EPB41L4B: variants seen among roughly 807,000 people sequenced by gnomAD.
EPB41L4B encodes the protein band 4.1-like protein 4B.
Under a neutral mutation model 112.5 loss-of-function variants are expected in EPB41L4B, and 30 were observed. The observed-to-expected ratio is 0.27, with a 90% CI of 0.20 to 0.36. The LOEUF (loss-of-function observed/expected upper bound fraction) is 0.36, where lower values mean the gene tolerates loss of function less well. Among genes scored for constraint, EPB41L4B ranks in the 10% least tolerant of loss-of-function variants. The pLI, the probability that EPB41L4B is intolerant of heterozygous loss-of-function variation, is 1.00. For synonymous variants in EPB41L4B, 408 were observed against 439.7 expected (o/e 0.93, Z 0.90); for missense variants, 1,024 against 1,133.3 (o/e 0.90, Z 1.38).
In EPB41L4B at chr9:109,314,755, C is replaced by A. The variant is rs572240896; in HGVS notation, c.306+5386G>T. 1.4e-3 allele frequency among the ~76,000 whole-genome samples: 215 copies of A among 152,200 alleles called. 1 individual carries two copies. Among genetic ancestry groups the A allele is most frequent in the African/African-American group, 5.0e-3 (209 of 41,510 alleles). ...GGTCTGAGAGGGGATGTGGGTGGGGCAAGTAGTGGAAGGCCACCTTTAGCC... is the reference window on the plus strand; with the variant it reads ...GGTCTGAGAGGGGATGTGGGTGGGGAAAGTAGTGGAAGGCCACCTTTAGCC... On this transcript the variant is annotated intron_variant, in intron 1 of 25. Transcript: ENST00000374566.
intron 20 of EPB41L4B, among the ~76,000 whole-genome samples, chr9:109,197,477 C>A (rs1394543683): frequency 6.6e-6 from 1 of 151,786 alleles, no homozygotes; most frequent in Non-Finnish European, 1.5e-5. Context: ...CGGTAGCCAG[C>A]GTCAAGGATT....
At chr9:109,228,585 G>T (rs1486775904) in intron 15 of EPB41L4B, among the ~76,000 whole-genome samples, 1 of 152,102 alleles carries the variant, frequency 6.6e-6, no homozygotes, top group Non-Finnish European at 1.5e-5. Context: ...TCTTCTGTTT[G>T]TTCTCTTCAC....
intron 13 of EPB41L4B, 58 bp from the exon 14 acceptor site, chr9:109,247,847 C>A: frequency 7.9e-7 from 1 of 1,265,132 alleles, no homozygotes; most frequent in Non-Finnish European, 1.1e-6. Context: ...TGTAGAGTGG[C>A]ATTATTAATG....
chr9:109,251,900 C>T (rs1008077700), intron 12 of EPB41L4B, among the ~76,000 whole-genome samples: 4 of 152,152 alleles, frequency 2.6e-5, no homozygotes, highest in African/African-American at 7.2e-5. Context: ...GCCTCGGGGA[C>T]GCCGTGAGGG....
In EPB41L4B at chr9:109,241,514, C is replaced by T. The variant is rs1028941397; in HGVS notation, c.1409+2104G>A. The T allele has an allele frequency of 2.5e-5, 36 of 1,458,746 alleles. No individual in the cohort carries two copies. The Middle Eastern group carries it at 7.4e-4, about 30-fold the overall frequency. The allele number at this position is 1,458,746 out of a possible 1,614,324, so 90.4% of individuals were successfully genotyped here. A position where few individuals can be genotyped will look rare whatever the true frequency, so the allele number is the denominator to read the frequency against. On this transcript the variant is annotated intron_variant, in intron 15 of 25. Transcript: ENST00000374566. ...TGACAAGCTATAGTGGTTTTATCTT[C>T]AAATATTTACATGGACACCAAAAAC...
intron 4 of EPB41L4B, 48 bp from the exon 5 acceptor site, chr9:109,265,072 G>A (rs778374333): frequency 4.6e-6 from 7 of 1,531,714 alleles, no homozygotes; most frequent in Non-Finnish European, 6.2e-6. Flanking sequence ...TTTCCCAGCT[G>A]CTCCCAATCC....
intron 6 of EPB41L4B, among the ~76,000 whole-genome samples, chr9:109,262,319 G>T (rs540407854): frequency 4.5e-4 from 69 of 152,184 alleles, no homozygotes; most frequent in African/African-American, 1.6e-3. Flanking sequence ...CTCCACCAGA[G>T]TCCACCTCTT....
At chr9:109,306,607 AAAAC>A (rs139011604) in intron 1 of EPB41L4B, among the ~76,000 whole-genome samples, 131,603 of 149,918 alleles carry the variant, frequency 0.88, 57,771 homozygotes, top group Middle Eastern at 0.95. Flanking sequence ...AGCGAGCAAA[AAAAC>A]AAACAAACAA....
At chr9:109,186,787 CAT>C (rs1832286373) in intron 22 of EPB41L4B, among the ~76,000 whole-genome samples, 1 of 152,154 alleles carries the variant, frequency 6.6e-6, no homozygotes, top group Admixed American at 6.5e-5. Context: ...CCAGCTGTAA[CAT>C]ATAGTTGAGG....
intron 1 of EPB41L4B, among the ~76,000 whole-genome samples, chr9:109,292,684 T>C (rs1160350989): frequency 6.6e-6 from 1 of 152,212 alleles, no homozygotes; most frequent in Non-Finnish European, 1.5e-5. Flanking sequence ...TCTTTTAAAC[T>C]GTGGAGCTTA....
At chr9:109,289,998 G>C (rs1321967152) in intron 1 of EPB41L4B, among the ~76,000 whole-genome samples, 1 of 152,200 alleles carries the variant, frequency 6.6e-6, no homozygotes, top group Non-Finnish European at 1.5e-5. Flanking sequence ...GTGGGGAGTG[G>C]TGGTGCTGGG....
chr9:109,218,279 C>T (rs1374002610), intron 15 of EPB41L4B, among the ~76,000 whole-genome samples: 2 of 151,886 alleles, frequency 1.3e-5, no homozygotes, highest in Non-Finnish European at 2.9e-5. Context: ...GTGCACACCA[C>T]CATGCCTGGC....
At chr9:109,289,033 A>ACCCACCTT (rs1836420373) in intron 1 of EPB41L4B, among the ~76,000 whole-genome samples, 1 of 152,148 alleles carries the variant, frequency 6.6e-6, no homozygotes, top group Non-Finnish European at 1.5e-5. Context: ...CCCTCCTGAC[A>ACCCACCTT]CCCACCTTTC....
chr9:109,263,285 C>A (rs1034319113), intron 5 of EPB41L4B, among the ~76,000 whole-genome samples, 183 bp from the exon 6 acceptor site: 1 of 152,196 alleles, frequency 6.6e-6, no homozygotes, highest in Admixed American at 6.5e-5. Context: ...TTCCCAAAGT[C>A]AATTCTCATC....
intron 18 of EPB41L4B, among the ~76,000 whole-genome samples, 194 bp from the exon 19 acceptor site, chr9:109,203,924 A>G (rs1451594657): frequency 1.3e-5 from 2 of 152,218 alleles, no homozygotes; most frequent in Non-Finnish European, 2.9e-5. Context: ...CTTGAGTAAT[A>G]GGATTAAGAC....
chr9:109,174,916 T>G (rs1034162104), intron 25 of EPB41L4B, among the ~76,000 whole-genome samples: 1 of 139,482 alleles, frequency 7.2e-6, no homozygotes, highest in Non-Finnish European at 1.6e-5. Context: ...TAAAGTGTTT[T>G]TTTTTTTTTT....
intron 17 of EPB41L4B, among the ~76,000 whole-genome samples, chr9:109,212,523 C>T (rs1290635471): frequency 2.0e-5 from 3 of 152,010 alleles, no homozygotes; most frequent in Admixed American, 2.0e-4. Flanking sequence ...CAGTTGGGGT[C>T]CATTAGTAAT....
At chr9:109,247,833 A>G in intron 13 of EPB41L4B, 44 bp from the exon 14 acceptor site, 1 of 1,372,550 alleles carries the variant, frequency 7.3e-7, no homozygotes, top group Non-Finnish European at 9.8e-7. Flanking sequence ...AAAGAAAAAT[A>G]GGTTGTAGAG....
At chr9:109,312,518 C>G (rs140295868) in intron 1 of EPB41L4B, among the ~76,000 whole-genome samples, 6,015 of 152,252 alleles carry the variant, frequency 0.04, 175 homozygotes, top group Middle Eastern at 0.065. Context: ...CTCCCACCCC[C>G]CTCGCCCAGC....
Sources: allele counts gnomAD v4.1 joint callset (sites outside exome capture counted in the v4.1 genomes callset), GRCh38; gene constraint gnomAD v4.1.1; transcripts MANE v1.5; gene names NCBI Gene and HGNC (gene_info 2026-07-23, HGNC 2026-07-21).